Variants in FSHR observed in about 807,000 individuals in gnomAD.
The protein encoded by FSHR is follicle stimulating hormone receptor.
Under a neutral mutation model 52.1 loss-of-function variants are expected in FSHR, and 46 were observed. The ratio of observed to expected loss-of-function variants is 0.88; its 90% confidence interval spans 0.70 to 1.13. The LOEUF is 1.13. Ranked by LOEUF, FSHR falls within the 50% of genes most tolerant of loss-of-function variation. The pLI is 0.00. For missense variants in FSHR, 964 were observed against 834.6 expected (o/e 1.16, Z -1.91); for synonymous variants, 399 against 309.6 (o/e 1.29, Z -3.03).
At chr2:49,062,962 C>A (rs1669368255) in intron 2 of FSHR, among the ~76,000 whole-genome samples, 1 of 152,070 alleles carries the variant, frequency 6.6e-6, no homozygotes, top group East Asian at 1.9e-4. Flanking sequence ...GATAGGGGAA[C>A]TCCTCTACAC....
At chr2:48,998,226 A>T (rs1373543282) in intron 4 of FSHR, among the ~76,000 whole-genome samples, 2 of 152,096 alleles carry the variant, frequency 1.3e-5, no homozygotes, top group Non-Finnish European at 2.9e-5. Flanking sequence ...TTTTCTAATT[A>T]GACATACTTG....
At chr2:48,997,090 G>T in intron 4 of FSHR, 1 of 234,832 alleles carries the variant, frequency 4.3e-6, no homozygotes, top group Non-Finnish European at 7.0e-6. Flanking sequence ...GTAAGAAGGC[G>T]TATGAAAAAG....
chr2:49,148,103 T>G (rs1380414319), intron 1 of FSHR, among the ~76,000 whole-genome samples: 2 of 152,064 alleles, frequency 1.3e-5, no homozygotes, highest in Non-Finnish European at 2.9e-5. Context: ...TCTGTCTGGT[T>G]TAAAGTGATT....
intron 4 of FSHR, among the ~76,000 whole-genome samples, chr2:49,011,739 C>T (rs1206819777): frequency 1.3e-5 from 2 of 152,082 alleles, no homozygotes; most frequent in Admixed American, 6.6e-5. Flanking sequence ...GCAGCTGAGA[C>T]CTGTGCCCAG....
chr2:49,116,200 T>C (rs1443468027), intron 1 of FSHR, among the ~76,000 whole-genome samples: 1 of 152,130 alleles, frequency 6.6e-6, no homozygotes, highest in Non-Finnish European at 1.5e-5. Flanking sequence ...TATTAAGCCA[T>C]ATTGGGAAAT....
chr2:49,007,322 C>T lies in FSHR; in HGVS notation c.374+10167G>A, dbSNP rs78670620. ...TCAGCTTACATCTCCTGTAAAATGGCTGTGTGTCCCTCCTACTGTGTGGAT... is the reference window on the plus strand; with the variant it reads ...TCAGCTTACATCTCCTGTAAAATGGTTGTGTGTCCCTCCTACTGTGTGGAT... On this transcript the variant is annotated intron_variant, in intron 4 of 9. Transcript: ENST00000406846. 2.6e-3 allele frequency among the ~76,000 whole-genome samples: 403 copies of T among 152,254 alleles called. 1 individual carries two copies. Among genetic ancestry groups the T allele is most frequent in the Middle Eastern group, 0.017 (5 of 294 alleles).
At chr2:48,986,003 G>A (rs1347711877) in intron 6 of FSHR, among the ~76,000 whole-genome samples, 2 of 152,144 alleles carry the variant, frequency 1.3e-5, no homozygotes, top group Non-Finnish European at 2.9e-5. Flanking sequence ...GTGAGCCACC[G>A]CGCCCGGCCG....
chr2:49,113,649 C>G (rs73928797), intron 1 of FSHR, among the ~76,000 whole-genome samples: 1 of 152,092 alleles, frequency 6.6e-6, no homozygotes, highest in Non-Finnish European at 1.5e-5. Context: ...TATTTTCCCC[C>G]TAAACAATTA....
intron 8 of FSHR, among the ~76,000 whole-genome samples, chr2:48,974,550 T>C (rs1028260597): frequency 1.3e-5 from 2 of 152,196 alleles, no homozygotes; most frequent in African/African-American, 4.8e-5. Context: ...CAAAGTCACT[T>C]AAAGTTCAGT....
At chr2:49,061,685 ATATATT>A (rs1383666294) in intron 2 of FSHR, among the ~76,000 whole-genome samples, 3 of 141,040 alleles carry the variant, frequency 2.1e-5, no homozygotes, top group Non-Finnish European at 3.0e-5. Context: ...ATATATAACT[ATATATT>A]TATATTTATA....
Position 49,056,445 on chromosome 2 carries a change from AATATATAT to A in FSHR, c.224+11766_224+11773del, listed in dbSNP as rs70946848. 3.3e-3 allele frequency among the ~76,000 whole-genome samples: 421 copies of A among 128,538 alleles called. 2 individuals are homozygous for A. Among genetic ancestry groups the A allele is most frequent in the African/African-American group, 9.8e-3 (308 of 31,382 alleles). The allele number at this position is 128,538 out of a possible 152,430, so 84.3% of individuals were successfully genotyped here. On this transcript the variant is annotated intron_variant, in intron 2 of 9. Transcript: ENST00000406846. ...TTCAGCAAGAAATCATTACAATTGGAATATATATATATATATATATATATATATATATA... is the reference window on the plus strand; with the variant it reads ...TTCAGCAAGAAATCATTACAATTGGAATATATATATATATATATATATATA...
At chr2:48,973,429 T>C (rs1431815191) in intron 8 of FSHR, among the ~76,000 whole-genome samples, 3 of 152,196 alleles carry the variant, frequency 2.0e-5, no homozygotes, top group African/African-American at 7.2e-5. Context: ...TCCAAATGTC[T>C]GACACAAAAT....
intron 1 of FSHR, among the ~76,000 whole-genome samples, chr2:49,077,285 G>A (rs1433022180): frequency 6.6e-6 from 1 of 152,236 alleles, no homozygotes. Flanking sequence ...AACATCATGT[G>A]GAAGCTGCCA....
intron 4 of FSHR, among the ~76,000 whole-genome samples, chr2:49,010,058 C>T (rs76274298): frequency 0.24 from 11,568 of 48,620 alleles, 2,415 homozygotes; most frequent in Middle Eastern, 0.35. Flanking sequence ...GAACTTCCAA[C>T]ACTATGTTGA....
chr2:49,066,389 G>A (rs988221328), intron 2 of FSHR, among the ~76,000 whole-genome samples: 5 of 152,008 alleles, frequency 3.3e-5, no homozygotes, highest in African/African-American at 1.2e-4. Context: ...CTGGAAAGGA[G>A]ATGAGAATTT....
At chr2:49,020,644 T>C (rs1262026691) in intron 2 of FSHR, among the ~76,000 whole-genome samples, 1 of 152,174 alleles carries the variant, frequency 6.6e-6, no homozygotes, top group Non-Finnish European at 1.5e-5. Context: ...AATTAGCCTG[T>C]GTTCCAATAA....
chr2:49,109,514 C>T (rs569329565), intron 1 of FSHR, among the ~76,000 whole-genome samples: 21 of 152,180 alleles, frequency 1.4e-4, no homozygotes, highest in African/African-American at 5.1e-4. Context: ...CCCCTGAGGT[C>T]AAGCGCATGG....
Position 49,011,827 on chromosome 2 carries a change from G to C in FSHR, c.374+5662C>G, listed in dbSNP as rs189866568. On this transcript the variant is annotated intron_variant, in intron 4 of 9. Coordinates refer to ENST00000406846, the MANE Select transcript of FSHR (RefSeq NM_000145.4). ...ACTCCCTACCCTCTGTCCCCTTGCC[G>C]TGCTACCTCCAAAAGCAGTTCAGCT... Among the ~76,000 whole-genome samples the C allele has an allele frequency of 1.8e-3, 268 of 152,078 alleles. 1 individual carries two copies. The highest frequency in any genetic ancestry group is 6.1e-3 in the African/African-American group (253 of 41,470).
At chr2:49,025,808 C>A (rs923394693) in intron 2 of FSHR, among the ~76,000 whole-genome samples, 1 of 152,200 alleles carries the variant, frequency 6.6e-6, no homozygotes, top group Non-Finnish European at 1.5e-5. Flanking sequence ...AACCCAAGCC[C>A]CTTCCTAAAT....
Sources: allele counts gnomAD v4.1 joint callset (sites outside exome capture counted in the v4.1 genomes callset), GRCh38; gene constraint gnomAD v4.1.1; transcripts MANE v1.5; gene names NCBI Gene and HGNC (gene_info 2026-07-23, HGNC 2026-07-21).